Variants in AGBL1 observed in about 807,000 individuals in gnomAD.
AGBL1 encodes the protein cytosolic carboxypeptidase 4.
A neutral mutation model predicts 118.9 loss-of-function variants in AGBL1; 130 were observed. The ratio of observed to expected loss-of-function variants is 1.09; its 90% CI spans 0.95 to 1.26. The LOEUF (loss-of-function observed/expected upper bound fraction) is 1.26, where lower values mean the gene tolerates loss of function less well. AGBL1 is among the 50% of genes most tolerant of loss of function. The pLI is 0.00. For missense variants in AGBL1, 1,584 were observed against 1,298.1 expected (o/e 1.22, Z -3.38); for synonymous variants, 555 against 478.9 (o/e 1.16, Z -2.08).
intron 1 of AGBL1, among the ~76,000 whole-genome samples, chr15:86,106,168 G>T (rs1409473193): frequency 6.6e-6 from 1 of 152,198 alleles, no homozygotes; most frequent in Non-Finnish European, 1.5e-5. Flanking sequence ...TTGTCAAGTG[G>T]TTGGATATAC....
At chr15:86,976,323 A>C (rs1315226224) in intron 23 of AGBL1, among the ~76,000 whole-genome samples, 1 of 151,542 alleles carries the variant, frequency 6.6e-6, no homozygotes, top group African/African-American at 2.4e-5. Context: ...TAAATTTTTT[A>C]TTACAACTTA....
chr15:86,251,550 C>CT (rs2078816104), intron 7 of AGBL1, among the ~76,000 whole-genome samples: 1 of 152,134 alleles, frequency 6.6e-6, no homozygotes, highest in South Asian at 2.1e-4. Flanking sequence ...TGTAAAGGAA[C>CT]TTTTTTTAAG....
intron 21 of AGBL1, chr15:86,630,659 GCTT>G (rs1385863320): frequency 2.6e-5 from 4 of 152,220 alleles, no homozygotes; most frequent in African/African-American, 9.7e-5. Flanking sequence ...GTGCATTTCA[GCTT>G]CTTCAATTTA....
intron 23 of AGBL1, among the ~76,000 whole-genome samples, chr15:86,924,748 C>G (rs1010298686): frequency 6.6e-6 from 1 of 151,956 alleles, no homozygotes; most frequent in Non-Finnish European, 1.5e-5. Context: ...TTACATTTTG[C>G]TACTCTGTGT....
At chr15:86,301,022 C>A (rs1254325163) in intron 17 of AGBL1, among the ~76,000 whole-genome samples, 1 of 152,124 alleles carries the variant, frequency 6.6e-6, no homozygotes, top group Non-Finnish European at 1.5e-5. Flanking sequence ...CTTTGCAAAT[C>A]ATTTTCCACT....
chr15:86,388,609 C>T (rs1282417636), intron 17 of AGBL1, among the ~76,000 whole-genome samples: 1 of 152,136 alleles, frequency 6.6e-6, no homozygotes, highest in Non-Finnish European at 1.5e-5. Flanking sequence ...CCAATTCATA[C>T]TTTACATGGT....
intron 23 of AGBL1, among the ~76,000 whole-genome samples, chr15:86,970,629 T>G (rs1009427659): frequency 1.3e-5 from 2 of 151,996 alleles, no homozygotes; most frequent in African/African-American, 4.8e-5. Context: ...TTTGATTTGA[T>G]AATGCAGAAG....
intron 3 of AGBL1, among the ~76,000 whole-genome samples, chr15:86,151,069 C>T (rs192987393): frequency 4.3e-4 from 65 of 151,678 alleles, no homozygotes; most frequent in African/African-American, 1.3e-3. Flanking sequence ...AAACAAACAC[C>T]GCATATTCTT....
At chr15:86,286,735 G>GTATATATA (rs535707426) in intron 16 of AGBL1, among the ~76,000 whole-genome samples, 3,949 of 106,326 alleles carry the variant, frequency 0.037, 425 homozygotes, top group African/African-American at 0.14. Context: ...GTTTGTGTGT[G>GTATATATA]TATATATATA....
At chr15:86,271,043 A>T (rs867412187) in intron 14 of AGBL1, among the ~76,000 whole-genome samples, 92 of 89,018 alleles carry the variant, frequency 1.0e-3, no homozygotes, top group Admixed American at 1.4e-3. Flanking sequence ...GTCACGTTGC[A>T]TTTTTTTTTT....
At chr15:86,451,156 C>G (rs1326854786) in intron 18 of AGBL1, among the ~76,000 whole-genome samples, 7 of 152,162 alleles carry the variant, frequency 4.6e-5, no homozygotes, top group African/African-American at 1.7e-4. Context: ...TATGCCTGAA[C>G]TGGTTAGACA....
At position 86,530,722 on chromosome 15, in the gene AGBL1, C is replaced by T. The variant is rs571257576; in HGVS notation, c.2685+7783C>T. ...ACATAGTTGGAAGTAAAGTTCTCCT[C>T]AGCAAATGTAAAAGAAGACAAATTA... On this transcript the variant is annotated intron_variant, in intron 19 of 22. Coordinates refer to ENST00000614907, the MANE Select transcript of AGBL1 (RefSeq NM_001386094.1). Among the ~76,000 whole-genome samples the T allele has an allele frequency of 2.7e-3, 405 of 149,286 alleles. 2 individuals carry two copies. Among genetic ancestry groups the T allele is most frequent in the African/African-American group, 9.5e-3 (383 of 40,180 alleles).
chr15:86,137,205 T>A (rs1308036554), intron 1 of AGBL1, among the ~76,000 whole-genome samples: 3 of 152,236 alleles, frequency 2.0e-5, no homozygotes, highest in Non-Finnish European at 4.4e-5. Flanking sequence ...AAACCATTTG[T>A]GCTGCTCCAT....
At chr15:86,347,991 G>C (rs920123405) in intron 17 of AGBL1, among the ~76,000 whole-genome samples, 1 of 152,004 alleles carries the variant, frequency 6.6e-6, no homozygotes, top group Non-Finnish European at 1.5e-5. Flanking sequence ...ATGAGAAAAG[G>C]CTGGGTAAGA....
chr15:86,895,075 C>CCCTTT (rs965243938), intron 22 of AGBL1, among the ~76,000 whole-genome samples: 7 of 151,234 alleles, frequency 4.6e-5, no homozygotes, highest in Non-Finnish European at 1.0e-4. Context: ...TTCCCTCCTT[C>CCCTTT]CCTTTCTTTT....
rs1018564433 is a variant in AGBL1, at chr15:86,546,148, G to A, written c.2817+15G>A. ...TCAACTACAGGGTAAGCCGCTGTGG[G>A]GAATGACATCAGACATGCTGTGTTC... On this transcript the variant is annotated intron_variant, in intron 20 of 22. Transcript: ENST00000614907. 4 of 1,606,458 alleles carry A rather than the reference G, an allele frequency of 2.5e-6. No individual in the cohort carries two copies. The highest frequency in any genetic ancestry group is 3.4e-6 in the Non-Finnish European group (4 of 1,174,584).
intron 21 of AGBL1, among the ~76,000 whole-genome samples, chr15:86,594,544 G>A (rs545342367): frequency 7.2e-5 from 11 of 151,992 alleles, no homozygotes; most frequent in Non-Finnish European, 1.5e-4. Context: ...TTTCTTTGTG[G>A]GAATGCTTTT....
intron 22 of AGBL1, among the ~76,000 whole-genome samples, chr15:86,876,814 T>G (rs2141520009): frequency 6.6e-6 from 1 of 152,294 alleles, no homozygotes; most frequent in African/African-American, 2.4e-5. Context: ...GCTGAGCACG[T>G]GTACTTTGGG....
intron 22 of AGBL1, among the ~76,000 whole-genome samples, chr15:86,850,082 C>T (rs1567206075): frequency 6.6e-6 from 1 of 152,172 alleles, no homozygotes; most frequent in Non-Finnish European, 1.5e-5. Context: ...TGCTCAATCT[C>T]CCTCAACCCA....
Sources: allele counts gnomAD v4.1 joint callset (sites outside exome capture counted in the v4.1 genomes callset), GRCh38; gene constraint gnomAD v4.1.1; transcripts MANE v1.5; gene names NCBI Gene and HGNC (gene_info 2026-07-23, HGNC 2026-07-21).